Variants in GRID2 observed in about 807,000 individuals in gnomAD.
GRID2 encodes glutamate receptor ionotropic, delta-2.
GRID2 carries 33 observed loss-of-function variants against 114.8 expected under a neutral mutation model. That is an observed-to-expected ratio of 0.29 (90% CI 0.22 to 0.38). The LOEUF is 0.38. Ranked by LOEUF, GRID2 falls within the 10% of genes least tolerant of loss-of-function variation. The pLI is 1.00. For missense variants in GRID2, 1,184 were observed against 1,257.7 expected (o/e 0.94, Z 0.89); for synonymous variants, 505 against 449.9 (o/e 1.12, Z -1.55).
In GRID2 at chr4:93,399,744, T is replaced by C. The variant is rs539395792; in HGVS notation, c.1347+4036T>C. Among the ~76,000 whole-genome samples, 48 of 152,164 alleles carry C rather than the reference T, an allele frequency of 3.2e-4. 1 individual carries two copies. The South Asian group carries it at 9.1e-3, about 29-fold the overall frequency. On this transcript the variant is annotated intron_variant, in intron 9 of 15. Transcript: ENST00000282020. Reference sequence around the variant, plus strand: ...ACTGGGAATAAGGGATACACTGATCTCACTCCTCTTATCTATCTCTTTTCA... The same window carrying C: ...ACTGGGAATAAGGGATACACTGATCCCACTCCTCTTATCTATCTCTTTTCA...
intron 2 of GRID2, among the ~76,000 whole-genome samples, chr4:93,046,287 C>T (rs1262029898): frequency 1.3e-5 from 2 of 152,014 alleles, no homozygotes; most frequent in African/African-American, 4.8e-5. Context: ...CAATCTCTGT[C>T]GGTCGTTCTT....
chr4:92,800,883 A>G (rs1431224896), intron 2 of GRID2, among the ~76,000 whole-genome samples: 9 of 152,026 alleles, frequency 5.9e-5, no homozygotes, highest in Non-Finnish European at 1.3e-4. Flanking sequence ...AGTGATTTCA[A>G]TCTGAATACT....
chr4:93,676,971 G>A (rs1189051505), intron 14 of GRID2, among the ~76,000 whole-genome samples: 6 of 152,050 alleles, frequency 3.9e-5, no homozygotes, highest in East Asian at 1.9e-4. Flanking sequence ...GAAGCAGGAC[G>A]AGGCATTGCC....
intron 2 of GRID2, among the ~76,000 whole-genome samples, chr4:92,731,731 C>T (rs1736336877): frequency 6.6e-6 from 1 of 151,828 alleles, no homozygotes; most frequent in African/African-American, 2.4e-5. Flanking sequence ...TTTCTTATCA[C>T]ATTTGTTCTC....
chr4:93,021,704 ATAT>A (rs1313159885), intron 2 of GRID2, among the ~76,000 whole-genome samples: 131 of 143,284 alleles, frequency 9.1e-4, no homozygotes, highest in African/African-American at 3.2e-3. Flanking sequence ...TATATTATGA[ATAT>A]TATAATTATT....
chr4:93,397,861 C>T (rs1012109635), intron 9 of GRID2, among the ~76,000 whole-genome samples: 4 of 151,546 alleles, frequency 2.6e-5, no homozygotes, highest in Non-Finnish European at 4.4e-5. Flanking sequence ...GTGGCTCTAC[C>T]GAATTATATA....
chr4:92,628,582 T>G (rs1479744440), intron 2 of GRID2, among the ~76,000 whole-genome samples: 1 of 152,156 alleles, frequency 6.6e-6, no homozygotes, highest in East Asian at 1.9e-4. Context: ...GGTCTCGAAC[T>G]CCTGAGGAAA....
At chr4:93,020,710 C>G (rs944218149) in intron 2 of GRID2, among the ~76,000 whole-genome samples, 6 of 152,012 alleles carry the variant, frequency 3.9e-5, no homozygotes, top group Admixed American at 3.3e-4. Context: ...TACCCAATGT[C>G]TATATTTAAA....
At chr4:93,607,549 T>A (rs1740379111) in intron 13 of GRID2, among the ~76,000 whole-genome samples, 1 of 152,174 alleles carries the variant, frequency 6.6e-6, no homozygotes, top group African/African-American at 2.4e-5. Context: ...CTTGGATAGA[T>A]TCCTGGGAAT....
In GRID2 at chr4:92,411,655, G is replaced by GTGTATATATATATATATATATATA; in HGVS notation, c.88+106912_88+106913insGTATATATATATATATATATATAT. 1.5e-3 allele frequency among the ~76,000 whole-genome samples: 130 copies of GTGTATATATATATATATATATATA among 84,624 alleles called. 1 individual carries two copies. The highest frequency in any genetic ancestry group is 2.3e-3 in the African/African-American group (39 of 17,074). 55.5% of individuals were successfully genotyped at this position (84,624 alleles called of 152,430 possible). On this transcript the variant is annotated intron_variant, in intron 1 of 15. Transcript: ENST00000282020. ...TGTGTGTGTGTGTGTGTGTGTGTGT[G>GTGTATATATATATATATATATATA]TATATATATATATATATATATATGA...
At chr4:93,804,916 C>A (rs958970145) in intron 1 of GRID2, among the ~76,000 whole-genome samples, 2 of 152,116 alleles carry the variant, frequency 1.3e-5, no homozygotes, top group African/African-American at 4.8e-5. Context: ...TATGTGGAAT[C>A]TTTAGGTGGT....
At chr4:93,441,054 G>A (rs1247628904) in intron 10 of GRID2, among the ~76,000 whole-genome samples, 1 of 152,030 alleles carries the variant, frequency 6.6e-6, no homozygotes, top group Non-Finnish European at 1.5e-5. Context: ...AGATTTGGTG[G>A]GTTACAGCTT....
chr4:92,434,044 C>T (rs955452017), intron 1 of GRID2, among the ~76,000 whole-genome samples: 4 of 152,172 alleles, frequency 2.6e-5, no homozygotes, highest in South Asian at 2.1e-4. Context: ...ACACAATTCA[C>T]GATGTCCGTA....
chr4:92,488,790 A>G (rs2149111483), intron 1 of GRID2, among the ~76,000 whole-genome samples: 1 of 152,252 alleles, frequency 6.6e-6, no homozygotes, highest in African/African-American at 2.4e-5. Flanking sequence ...AATCCTGGGG[A>G]AAGACCAGGA....
intron 2 of GRID2, 50 bp from the exon 3 acceptor site, chr4:93,084,945 A>G: frequency 6.7e-7 from 1 of 1,482,960 alleles, no homozygotes; most frequent in South Asian, 1.2e-5. Context: ...AAAAAGGGAA[A>G]ACTATGTGAA....
At chr4:92,832,897 A>G (rs920333734) in intron 2 of GRID2, among the ~76,000 whole-genome samples, 5 of 152,216 alleles carry the variant, frequency 3.3e-5, no homozygotes, top group African/African-American at 1.2e-4. Flanking sequence ...TATCAATTAC[A>G]GTATTCATAG....
At chr4:92,849,184 T>G (rs1743570676) in intron 2 of GRID2, among the ~76,000 whole-genome samples, 1 of 151,976 alleles carries the variant, frequency 6.6e-6, no homozygotes, top group Non-Finnish European at 1.5e-5. Flanking sequence ...AAAAGAGGTG[T>G]TTCTGAGTTT....
intron 9 of GRID2, among the ~76,000 whole-genome samples, chr4:93,399,058 C>T (rs2149335416): frequency 6.6e-6 from 1 of 152,072 alleles, no homozygotes; most frequent in Non-Finnish European, 1.5e-5. Flanking sequence ...GAGGCTTTAC[C>T]TCACTAAACC....
intron 3 of GRID2, among the ~76,000 whole-genome samples, chr4:93,098,162 G>C (rs1311376447): frequency 6.6e-6 from 1 of 151,900 alleles, no homozygotes; most frequent in Non-Finnish European, 1.5e-5. Flanking sequence ...AAAATACAAA[G>C]CACTTGTACT....
Sources: gnomAD v4.1 joint callset for allele counts (sites outside exome capture counted in the v4.1 genomes callset) on GRCh38, gnomAD v4.1.1 for gene constraint, MANE v1.5 for transcripts, NCBI Gene and HGNC (gene_info 2026-07-23, HGNC 2026-07-21) for gene names.